The following DEFB110 variants were observed in gnomAD, a reference collection of about 807,000 sequenced individuals.
DEFB110 encodes defensin beta 110.
Under a neutral mutation model 2.5 loss-of-function variants are expected in DEFB110, and 4 were observed. The ratio of observed to expected loss-of-function variants is 1.60; its 90% CI spans 0.79 to 3.66. The LOEUF is 3.66. Ranked by LOEUF, DEFB110 falls within the 30% of genes most tolerant of loss-of-function variation. DEFB110 has a pLI of 0.01. For synonymous variants in DEFB110, 29 were observed against 21.8 expected (o/e 1.33, Z -0.92); for missense variants, 94 against 75.4 (o/e 1.25, Z -0.91).
chr6:50,017,050 C>G (rs967303483), downstream of DEFB110, among the ~76,000 whole-genome samples: 1 of 151,614 alleles, frequency 6.6e-6, no homozygotes, highest in Non-Finnish European at 1.5e-5. Context: ...CCTCTCAATT[C>G]TGATTTAGAT....
chr6:50,010,729 T>C (rs1443238350), intron 1 of DEFB110, among the ~76,000 whole-genome samples: 1 of 151,666 alleles, frequency 6.6e-6, no homozygotes, highest in Non-Finnish European at 1.5e-5. Context: ...ATGTTTGATA[T>C]AATTTAAAGT....
chr6:50,020,711 A>G (rs1774403742), intron 1 of DEFB110, among the ~76,000 whole-genome samples: 1 of 152,218 alleles, frequency 6.6e-6, no homozygotes, highest in Non-Finnish European at 1.5e-5. Flanking sequence ...TCCTACTATT[A>G]ATATTGGCTT....
chr6:50,016,228 G>A (rs557393628), downstream of DEFB110, among the ~76,000 whole-genome samples: 4 of 151,898 alleles, frequency 2.6e-5, no homozygotes, highest in South Asian at 8.3e-4. Context: ...ATTTGACGGT[G>A]ATAAATCTAA....
At chr6:50,017,326 AT>A (rs954613419), downstream of DEFB110, among the ~76,000 whole-genome samples, 6 of 151,746 alleles carry the variant, frequency 4.0e-5, no homozygotes, top group African/African-American at 1.2e-4. Flanking sequence ...AATCTCACTG[AT>A]TTTTTTATTG....
At chr6:50,015,490 G>A (rs1396011477), downstream of DEFB110, among the ~76,000 whole-genome samples, 4 of 151,412 alleles carry the variant, frequency 2.6e-5, no homozygotes, top group South Asian at 4.1e-4. Context: ...TTTCCTCCCA[G>A]GTGTTCCCCA....
At position 50,019,132 on chromosome 6, in the gene DEFB110, G is replaced by C. The variant is rs1328734968; in HGVS notation, c.56-7C>G. The C allele has an allele frequency of 1.2e-6, 2 of 1,609,948 alleles. No homozygotes were observed. The highest frequency in any genetic ancestry group is 4.5e-5 in the East Asian group (2 of 44,800). On this transcript the variant is annotated splice_polypyrimidine_tract_variant and splice_region_variant and intron_variant, in intron 1 of 1. Transcript: ENST00000371148. ...TCAGGATATTTCTTTTTGGCTGTAA[G>C]AAGGGAAGAATGACTAAAATTAGCC...
chr6:50,014,927 T>C (rs1418284474), downstream of DEFB110, among the ~76,000 whole-genome samples: 1 of 151,836 alleles, frequency 6.6e-6, no homozygotes, highest in Non-Finnish European at 1.5e-5. Flanking sequence ...ACTCAAAAGA[T>C]TACTGTCTCC....
chr6:50,013,775 A>T (rs142671508), intron 1 of DEFB110, among the ~76,000 whole-genome samples: 2 of 152,018 alleles, frequency 1.3e-5, no homozygotes, highest in African/African-American at 4.8e-5. Context: ...AGCAATGACC[A>T]GAAGTGTTTT....
At chr6:50,015,112 G>A (rs1230682773), downstream of DEFB110, among the ~76,000 whole-genome samples, 1 of 151,640 alleles carries the variant, frequency 6.6e-6, no homozygotes, top group African/African-American at 2.4e-5. Context: ...AGAAATCTTG[G>A]AGTCATTATT....
At chr6:50,017,875 G>C (rs1774344320), downstream of DEFB110, among the ~76,000 whole-genome samples, 1 of 151,630 alleles carries the variant, frequency 6.6e-6, no homozygotes, top group Admixed American at 6.6e-5. Flanking sequence ...ATCTCCTTTT[G>C]AGTCTAAGTC....
At position 50,013,791 on chromosome 6, in the gene DEFB110, C is replaced by A. The variant is rs541728919; in HGVS notation, c.56-4520G>T. Among the ~76,000 whole-genome samples, 5 of 151,910 alleles carry A rather than the reference C, an allele frequency of 3.3e-5. No individual in the cohort carries two copies. In the East Asian group the frequency reaches 9.7e-4, roughly 29 times the overall value. On this transcript the variant is annotated intron_variant, in intron 1 of 1. Coordinates refer to the DEFB110 transcript ENST00000393660. ...GCAATGACCAGAAGTGTTTTAGCTT[C>A]TAAGACTGCGTGACTGATTACGAAA...
In DEFB110 at chr6:50,021,909, A is replaced by G. The variant is rs9473719; in HGVS notation, c.27T>C (p.Ile9=). Reference sequence around the variant, plus strand: ...GTAAAATTGTGACCCAAAAGTGCAGAATAAAGAAAAAAAGTTGAATCTTCA... The same window carrying G: ...GTAAAATTGTGACCCAAAAGTGCAGGATAAAGAAAAAAAGTTGAATCTTCA... MKIQLFFF[I]LHFWVTILPA... is the part of the protein sequence containing the mutation. Residue 9 remains isoleucine (I), a synonymous_variant, in exon 1 of 2, where the codon ATT becomes ATC. Coordinates refer to ENST00000371148, the MANE Select transcript of DEFB110 (RefSeq NM_001037497.2). 3,914 of 1,559,096 alleles carry G rather than the reference A, an allele frequency of 2.5e-3. 95 individuals are homozygous for G. The African/African-American group carries it at 0.049, about 20-fold the overall frequency.
At chr6:50,016,392 A>C (rs1774316249), downstream of DEFB110, among the ~76,000 whole-genome samples, 1 of 151,858 alleles carries the variant, frequency 6.6e-6, no homozygotes, top group African/African-American at 2.4e-5. Flanking sequence ...GTGTCATGAA[A>C]ATTTATATTG....
downstream of DEFB110, among the ~76,000 whole-genome samples, chr6:50,018,598 C>T (rs148715507): frequency 2.8e-3 from 425 of 152,030 alleles, 4 homozygotes; most frequent in African/African-American, 9.8e-3. Context: ...AAAATAACAG[C>T]GCATTTCCAC....
At chr6:50,020,312 T>C (rs1285907097) in intron 1 of DEFB110, among the ~76,000 whole-genome samples, 2 of 152,128 alleles carry the variant, frequency 1.3e-5, no homozygotes, top group African/African-American at 4.8e-5. Context: ...GTTTGATTGG[T>C]TATGTGATCT....
chr6:50,019,486 A>G (rs562013448), intron 1 of DEFB110, among the ~76,000 whole-genome samples: 10 of 152,076 alleles, frequency 6.6e-5, no homozygotes, highest in Admixed American at 2.0e-4. Flanking sequence ...AACATTATTT[A>G]GACTGAATGT....
downstream of DEFB110, among the ~76,000 whole-genome samples, chr6:50,015,235 C>T (rs1774297146): frequency 1.3e-5 from 2 of 151,772 alleles, no homozygotes; most frequent in South Asian, 4.1e-4. Context: ...TTATTATGGA[C>T]TTAGCTTCTA....
At chr6:50,015,873 A>G (rs1321726393), downstream of DEFB110, among the ~76,000 whole-genome samples, 1 of 151,846 alleles carries the variant, frequency 6.6e-6, no homozygotes, top group Non-Finnish European at 1.5e-5. Context: ...TATTATCCAT[A>G]TTACAAATTG....
downstream of DEFB110, chr6:50,018,801 A>T (rs915369668): frequency 4.9e-5 from 63 of 1,285,684 alleles, no homozygotes; most frequent in Non-Finnish European, 5.8e-5. Flanking sequence ...AGAAAAGTGT[A>T]ATGGAAAGGC....
Sources: gnomAD v4.1 joint callset for allele counts (sites outside exome capture counted in the v4.1 genomes callset) on GRCh38, gnomAD v4.1.1 for gene constraint, MANE v1.5 for transcripts, NCBI Gene and HGNC (gene_info 2026-07-23, HGNC 2026-07-21) for gene names.